UBR4: variants seen among roughly 807,000 people sequenced by gnomAD.
UBR4 encodes ubiquitin protein ligase E3 component n-recognin 4.
A neutral mutation model predicts 575.6 loss-of-function variants in UBR4; 124 were observed. The ratio of observed to expected loss-of-function variants is 0.22; its 90% CI spans 0.19 to 0.25. The LOEUF (loss-of-function observed/expected upper bound fraction) is 0.25, where lower values mean the gene tolerates loss of function less well. Among genes scored for constraint, UBR4 ranks in the 10% least tolerant of loss-of-function variants. The pLI, the probability that UBR4 is intolerant of heterozygous loss-of-function variation, is 1.00. For missense variants in UBR4, 4,818 were observed against 6,478.8 expected, an observed-to-expected ratio of 0.74 and a Z score of 8.80; for synonymous variants, 2,455 against 2,473.7, an observed-to-expected ratio of 0.99 and a Z score of 0.22.
chr1:19,123,107 T>G, intron 65 of UBR4, 47 bp from the exon 66 acceptor site: 1 of 1,591,426 alleles, frequency 6.3e-7, no homozygotes, highest in Non-Finnish European at 8.6e-7. Flanking sequence ...TGGGACTGTA[T>G]CTATATCAAC....
chr1:19,075,181 T>A, intron 105 of UBR4: 1 of 438,190 alleles, frequency 2.3e-6, no homozygotes, highest in Admixed American at 3.6e-5. Context: ...TTAAACAAAG[T>A]AATAAAGTGG....
rs2081828285 is a variant in UBR4, at chr1:19,126,658, G to A, written c.9229-3C>T. ...GCACTGGAGATGAGGGAAGATGACT[G>A]GGAGACAGAGAAAATACAGAGATGG... is the stretch of plus-strand genomic sequence containing the variant. On this transcript the variant is annotated splice_region_variant and splice_polypyrimidine_tract_variant and intron_variant, in intron 63 of 105. Transcript: ENST00000375254. The A allele has an allele frequency of 6.2e-7, 1 of 1,612,574 alleles. No homozygotes were observed. Among genetic ancestry groups the A allele is most frequent in the Non-Finnish European group, 8.5e-7 (1 of 1,179,588 alleles).
intron 64 of UBR4, among the ~76,000 whole-genome samples, chr1:19,125,046 T>C (rs1247587448): frequency 1.3e-5 from 2 of 151,978 alleles, no homozygotes; most frequent in African/African-American, 4.8e-5. Context: ...TAAGGATCTC[T>C]GACTTCTATG....
rs181167205 is a variant in UBR4 at position 19,121,566 on chromosome 1, G to A, written c.9896-132C>T. Reference sequence around the variant, plus strand: ...TTTCTTTGCCATGTTCTCTCTGCTGGACATTGTGAAGAAGTTATACTTTCT... The same window carrying A: ...TTTCTTTGCCATGTTCTCTCTGCTGAACATTGTGAAGAAGTTATACTTTCT... On this transcript the variant is annotated intron_variant, in intron 67 of 105. Transcript: ENST00000375254. 1.9e-4 allele frequency: 231 copies of A among 1,195,248 alleles called. 1 individual carries two copies. The African/African-American group carries it at 3.3e-3, about 17-fold the overall frequency. 74.0% of individuals were successfully genotyped at this position (1,195,248 alleles called of 1,614,324 possible).
At chr1:19,081,842 G>A (rs750880792) in intron 102 of UBR4, 16 of 659,888 alleles carry the variant, frequency 2.4e-5, no homozygotes, top group Admixed American at 4.8e-5. Context: ...ACAATTCCAA[G>A]CAACTACTGG....
At chr1:19,175,522 T>G (rs1329640393) in intron 20 of UBR4, among the ~76,000 whole-genome samples, 2 of 152,138 alleles carry the variant, frequency 1.3e-5, no homozygotes, top group Non-Finnish European at 2.9e-5. Context: ...TCAGGGTAAG[T>G]GCAAACACAC....
At chr1:19,078,263 T>C (rs988103364) in intron 103 of UBR4, 197 bp from the exon 104 acceptor site, 4 of 540,092 alleles carry the variant, frequency 7.4e-6, no homozygotes, top group South Asian at 2.1e-5. Flanking sequence ...GTTTATTGGT[T>C]ACAAAAATGC....
At chr1:19,192,163 A>G (rs2092137555) in intron 11 of UBR4, 25 bp downstream of exon 11, 1 of 1,593,424 alleles carries the variant, frequency 6.3e-7, no homozygotes, top group Non-Finnish European at 8.5e-7. Flanking sequence ...AACAAAATAT[A>G]AGTTATAATC....
rs2081020656 is a variant in UBR4, at chr1:19,120,188, G to A, written c.10302C>T (p.His3434=). 1 of 1,614,034 alleles carries A rather than the reference G, an allele frequency of 6.2e-7. No individual in the cohort carries two copies. The highest frequency in any genetic ancestry group is 1.1e-5 in the South Asian group (1 of 91,082). ...VRWQAHCLTL[H]IYRNSSKSQQ... is the part of the protein sequence containing the mutation. ...CCAAGCCCTGGCCCTACCTGTAGAT[G>A]TGCAGTGTCAGACAGTGGGCCTGCC... Residue 3434 remains histidine, a synonymous_variant, in exon 69 of 106, where the codon CAC becomes CAT. Coordinates refer to ENST00000375254, the MANE Select transcript of UBR4 (RefSeq NM_020765.3).
chr1:19,108,917 T>G (rs1476869997), intron 81 of UBR4, among the ~76,000 whole-genome samples: 1 of 152,178 alleles, frequency 6.6e-6, no homozygotes, highest in East Asian at 1.9e-4. Flanking sequence ...AATCTCCCTT[T>G]GCCTCCCACT....
At chr1:19,190,569 T>A (rs1337610839) in intron 11 of UBR4, among the ~76,000 whole-genome samples, 1 of 151,974 alleles carries the variant, frequency 6.6e-6, no homozygotes, top group African/African-American at 2.4e-5. Flanking sequence ...ATTACGTTTT[T>A]ATTTCTTCCC....
chr1:19,110,119 C>A lies in UBR4; in HGVS notation c.12082G>T (p.Ala4028Ser), dbSNP rs202098841. 1 of 1,614,164 alleles carries A rather than the reference C, an allele frequency of 6.2e-7. No individual in the cohort carries two copies. Among genetic ancestry groups the A allele is most frequent in the East Asian group, 2.2e-5 (1 of 44,878 alleles). The change falls in exon 81 of 106, where the codon GCT becomes TCT. Residue 4028 changes from alanine to serine, a missense_variant. By Grantham distance (99) the Ala-to-Ser change is moderately conservative (BLOSUM62 1). This residue lies in a region of UBR4 where 333 missense variants were observed against 459.2 expected (regional missense o/e 0.73). Transcript: ENST00000375254. This position sits in a 1 kb window ranked among gnomAD's most constrained non-coding sequence, Gnocchi z 4.5. ...ACCTTGTTCTTCTTGCTAGTGGGAG[C>A]AGGTGGTTTTATCAGCTTCTGCAAG... ...RILQKLIKPPAPTSKKNKDVP... is the reference protein window; with the variant it reads ...RILQKLIKPPSPTSKKNKDVP...
At position 19,110,056 on chromosome 1, in the gene UBR4, G is replaced by T; in HGVS notation, c.12105+40C>A. On this transcript the variant is annotated intron_variant, in intron 81 of 105. Transcript: ENST00000375254. The surrounding 1 kb of genome is among the most constrained non-coding windows in gnomAD (Gnocchi z 4.5). ...CTGCCAGGGAATGAGGAGGGTGGCC[G>T]CCCTGCCCTTCCTTGTTAGACCCCT... The T allele has an allele frequency of 6.2e-7, 1 of 1,611,890 alleles. No homozygotes were observed. Among genetic ancestry groups the T allele is most frequent in the East Asian group, 2.2e-5 (1 of 44,866 alleles).
chr1:19,110,827 T>C lies in UBR4; in HGVS notation c.11807A>G (p.Asn3936Ser). 1.2e-6 allele frequency: 2 copies of C among 1,613,976 alleles called. No homozygotes were observed. The highest frequency in any genetic ancestry group is 4.5e-5 in the East Asian group (2 of 44,884). ...ATTCATCTGTTGGGTGGCTTCTGGG[T>C]TGTCTCTGCAGAAGCAAATAGAAAT... ...RQLMCLLTRDNPEATQQMNDL... is the reference protein window; with the variant it reads ...RQLMCLLTRDSPEATQQMNDL... The change falls in exon 79 of 106, where the codon AAC becomes AGC. Residue 3936 changes from asparagine to serine, a missense_variant. Physicochemically the swap from Asn to Ser is conservative, Grantham distance 46. Coordinates refer to ENST00000375254, the MANE Select transcript of UBR4 (RefSeq NM_020765.3). The surrounding 1 kb of genome is among the most constrained non-coding windows in gnomAD (Gnocchi z 4.5).
Position 19,161,025 on chromosome 1 carries a change from G to A in UBR4, c.5298C>T (p.Asp1766=). The change falls in exon 38 of 106, where the codon GAC becomes GAT. Residue 1766 remains aspartate, a synonymous_variant. Coordinates refer to ENST00000375254, the MANE Select transcript of UBR4 (RefSeq NM_020765.3). ...VRHASTSSPA[D]KAKVTISDGK... is the part of the protein sequence containing the mutation. ...CATCACTGATGGTAACCTTGGCTTT[G>A]TCAGCTGGCGAGGAGGTGCTGGCAT... The A allele has an allele frequency of 6.2e-7, 1 of 1,614,144 alleles. No homozygotes were observed. Among genetic ancestry groups the A allele is most frequent in the Non-Finnish European group, 8.5e-7 (1 of 1,180,038 alleles).
At position 19,100,360 on chromosome 1, in the gene UBR4, G is replaced by A. The variant is rs759467929; in HGVS notation, c.13221+16C>T. The A allele has an allele frequency of 4.3e-6, 7 of 1,613,672 alleles. No individual in the cohort carries two copies. The highest frequency in any genetic ancestry group is 5.1e-6 in the Non-Finnish European group (6 of 1,179,966). Reference sequence around the variant, plus strand: ...CCTAATCGTAAACGTGGGCAGCACTGTCCTATGGTCATTACCTCCATGCCA... The same window carrying A: ...CCTAATCGTAAACGTGGGCAGCACTATCCTATGGTCATTACCTCCATGCCA... On this transcript the variant is annotated intron_variant, in intron 89 of 105. Transcript: ENST00000375254. This position sits in a 1 kb window ranked among gnomAD's most constrained non-coding sequence, Gnocchi z 4.2.
intron 104 of UBR4, 156 bp downstream of exon 104, chr1:19,077,820 T>C: frequency 1.3e-6 from 2 of 1,542,754 alleles, no homozygotes; most frequent in Middle Eastern, 1.7e-4. Context: ...CCAGTGTCAA[T>C]CCCTCCCACA....
At chr1:19,085,350 C>T (rs569599715) in intron 101 of UBR4, among the ~76,000 whole-genome samples, 20 of 152,288 alleles carry the variant, frequency 1.3e-4, no homozygotes, top group Admixed American at 3.3e-4. Context: ...GGCAAAACCC[C>T]GTCTCTACTA....
chr1:19,192,038 A>C (rs1038878593), intron 11 of UBR4, 150 bp downstream of exon 11: 4 of 725,676 alleles, frequency 5.5e-6, no homozygotes, highest in African/African-American at 1.8e-5. Context: ...CTGTGGAGAT[A>C]ACAGGTCATG....
Sources: gnomAD v4.1 joint callset for allele counts (sites outside exome capture counted in the v4.1 genomes callset) on GRCh38, gnomAD v4.1.1 for gene constraint, gnomAD v4.1.1 regional missense constraint, Gnocchi (gnomAD v3.1) non-coding constraint, MANE v1.5 for transcripts, NCBI Gene and HGNC (gene_info 2026-07-23, HGNC 2026-07-21) for gene names.